The following RAB5A variants were observed in gnomAD, a reference collection of about 807,000 sequenced individuals.
RAB5A encodes RAB5A, member RAS oncogene family.
In RAB5A, 8 loss-of-function variants were observed where a neutral mutation model predicts 25.7. The observed-to-expected ratio is 0.31, with a 90% CI of 0.18 to 0.56. The LOEUF (loss-of-function observed/expected upper bound fraction) is 0.56, where lower values mean the gene tolerates loss of function less well. Among genes scored for constraint, RAB5A ranks in the 20% least tolerant of loss-of-function variants. The probability of loss-of-function intolerance (pLI) is 0.91; values close to 1 mark genes in which losing one functional copy is unlikely to be tolerated. For missense variants in RAB5A, 192 were observed against 259.7 expected (o/e 0.74, Z 1.79); for synonymous variants, 98 against 89.8 (o/e 1.09, Z -0.52).
At chr3:19,970,726 G>A (rs755403021) in intron 2 of RAB5A, 4 of 387,958 alleles carry the variant, frequency 1.0e-5, no homozygotes, top group Admixed American at 3.1e-5. Flanking sequence ...AGGTAAGTTT[G>A]TGGTTGGTTA....
intron 2 of RAB5A, among the ~76,000 whole-genome samples, chr3:19,959,801 A>T (rs1696559948): frequency 6.6e-6 from 1 of 151,532 alleles, no homozygotes; most frequent in Non-Finnish European, 1.5e-5. Flanking sequence ...TAATTTTGAA[A>T]TTTTTGTAGA....
chr3:19,962,864 G>A (rs1696607833), intron 2 of RAB5A, among the ~76,000 whole-genome samples: 2 of 151,898 alleles, frequency 1.3e-5, no homozygotes, highest in African/African-American at 4.8e-5. Context: ...CCAGGCTGGT[G>A]TGCAGTGACG....
In RAB5A at chr3:19,982,763, TAA is replaced by T. The variant is rs62910362; in HGVS notation, c.533-931_533-930del. On this transcript the variant is annotated intron_variant, in intron 5 of 5. Transcript: ENST00000273047. The stretch of plus-strand genomic sequence containing the variant: ...GGTGACAGAGTGAGACCTTGTCTCT[TAA>T]AAAAAAAAAAAAAGAGAGCATGTAT... 4.4e-4 allele frequency among the ~76,000 whole-genome samples: 61 copies of T among 139,738 alleles called. 1 individual carries two copies. Among genetic ancestry groups the T allele is most frequent in the South Asian group, 1.8e-3 (8 of 4,384 alleles). The allele number at this position is 139,738 out of a possible 152,430, so 91.7% of individuals were successfully genotyped here.
Position 19,972,003 on chromosome 3 carries a change from G to A in RAB5A, c.164-3598G>A, listed in dbSNP as rs149721522. On this transcript the variant is annotated intron_variant, in intron 2 of 5. Transcript: ENST00000273047. ...GTATGAACAAGGATTTATATTAAAT[G>A]TTGGTACAGAGAGGAGCTACTACAA... 2.3e-4 allele frequency among the ~76,000 whole-genome samples: 35 copies of A among 152,252 alleles called. No individual in the cohort carries two copies. The East Asian group carries it at 6.4e-3, about 28-fold the overall frequency.
At chr3:19,978,498 G>A in intron 5 of RAB5A, 95 bp downstream of exon 5, 2 of 852,588 alleles carry the variant, frequency 2.3e-6, no homozygotes, top group Non-Finnish European at 3.8e-6. Context: ...AATTTTTGGG[G>A]GTGGGTTTGT....
intron 2 of RAB5A, among the ~76,000 whole-genome samples, chr3:19,967,201 A>G (rs1037533113): frequency 6.8e-6 from 1 of 147,498 alleles, no homozygotes. Context: ...CTGGAGTGCC[A>G]TGGCACCATC....
chr3:19,977,022 C>T (rs1310010224), intron 4 of RAB5A, among the ~76,000 whole-genome samples: 3 of 150,662 alleles, frequency 2.0e-5, no homozygotes, highest in Non-Finnish European at 2.9e-5. Flanking sequence ...TTTGCTGCTG[C>T]AAAATAGGCA....
chr3:19,955,955 C>T (rs998937706), intron 2 of RAB5A, among the ~76,000 whole-genome samples: 1 of 152,120 alleles, frequency 6.6e-6, no homozygotes, highest in Non-Finnish European at 1.5e-5. Flanking sequence ...TTATGTACTG[C>T]TCACATTACA....
chr3:19,964,604 C>T (rs926715120), intron 2 of RAB5A, among the ~76,000 whole-genome samples: 1 of 152,182 alleles, frequency 6.6e-6, no homozygotes, highest in Non-Finnish European at 1.5e-5. Context: ...TTAATACTAA[C>T]AAACTCCTAA....
intron 2 of RAB5A, among the ~76,000 whole-genome samples, chr3:19,959,135 G>A (rs1696547736): frequency 6.6e-6 from 1 of 152,152 alleles, no homozygotes; most frequent in South Asian, 2.1e-4. Context: ...AAGTATTCAA[G>A]CTGTTTGGTA....
At chr3:19,967,339 T>G (rs1385986998) in intron 2 of RAB5A, among the ~76,000 whole-genome samples, 1 of 152,092 alleles carries the variant, frequency 6.6e-6, no homozygotes, top group African/African-American at 2.4e-5. Context: ...GAGACAGGGT[T>G]TCGTCATTTT....
At chr3:19,980,445 A>AT (rs11441052) in intron 5 of RAB5A, among the ~76,000 whole-genome samples, 124,053 of 148,140 alleles carry the variant, frequency 0.84, 52,926 homozygotes, top group African/African-American at 0.9. Context: ...AGGTTAGTAA[A>AT]TTTTTTTTTC....
intron 2 of RAB5A, among the ~76,000 whole-genome samples, chr3:19,972,163 C>T (rs1696761478): frequency 6.6e-6 from 1 of 152,116 alleles, no homozygotes; most frequent in Non-Finnish European, 1.5e-5. Context: ...TGGTTTAATG[C>T]ACAAAATTAT....
At chr3:19,960,772 C>T (rs1358029950) in intron 2 of RAB5A, among the ~76,000 whole-genome samples, 1 of 152,170 alleles carries the variant, frequency 6.6e-6, no homozygotes, top group African/African-American at 2.4e-5. Context: ...TGCTAAACAG[C>T]ATTCATCCTC....
intron 5 of RAB5A, among the ~76,000 whole-genome samples, chr3:19,979,358 A>G (rs540428427): frequency 1.0e-4 from 15 of 148,308 alleles, no homozygotes; most frequent in Admixed American, 2.7e-4. Context: ...ATCTCGGCTC[A>G]CTGCAAGCTC....
chr3:19,963,376 C>CCCG lies in RAB5A; in HGVS notation c.164-12224_164-12222dup, dbSNP rs1553638836. On this transcript the variant is annotated intron_variant, in intron 2 of 5. Coordinates refer to ENST00000273047, the MANE Select transcript of RAB5A (RefSeq NM_004162.5). ...ATCTTAGAATTTCACCCCCCCCCCC[C>CCCG]CCGACTTATTTTCGTAAGATCAATT... Among the ~76,000 whole-genome samples the CCCG allele has an allele frequency of 4.5e-3, 388 of 86,674 alleles. 9 individuals are homozygous for CCCG. Among genetic ancestry groups the CCCG allele is most frequent in the East Asian group, 0.017 (47 of 2,812 alleles). The allele number at this position is 86,674 out of a possible 152,430, so 56.9% of individuals were successfully genotyped here. A position where few individuals can be genotyped will look rare whatever the true frequency, so the allele number is the denominator to read the frequency against.
chr3:19,951,576 A>T (rs1294771196), intron 2 of RAB5A, among the ~76,000 whole-genome samples: 1 of 152,088 alleles, frequency 6.6e-6, no homozygotes, highest in Non-Finnish European at 1.5e-5. Context: ...CCTAGGCTGG[A>T]GTGCAGTGTC....
intron 2 of RAB5A, among the ~76,000 whole-genome samples, chr3:19,951,835 T>A (rs191349700): frequency 6.6e-6 from 1 of 151,596 alleles, no homozygotes; most frequent in Non-Finnish European, 1.5e-5. Context: ...CTGAGATGCA[T>A]ATGTAAGAAT....
intron 2 of RAB5A, chr3:19,970,469 CAG>C: frequency 2.3e-6 from 1 of 442,978 alleles, no homozygotes; most frequent in Non-Finnish European, 4.5e-6. Flanking sequence ...TCACGTAGCT[CAG>C]AGGGAGCCTA....
Sources: gnomAD v4.1 joint callset for allele counts (sites outside exome capture counted in the v4.1 genomes callset) on GRCh38, gnomAD v4.1.1 for gene constraint, MANE v1.5 for transcripts, NCBI Gene and HGNC (gene_info 2026-07-23, HGNC 2026-07-21) for gene names.